Variants in ACOXL observed in about 807,000 individuals in gnomAD.
The protein encoded by ACOXL is acyl-coenzyme A oxidase-like protein.
In ACOXL, 70 loss-of-function variants were observed where a neutral mutation model predicts 71.9. That is an observed-to-expected ratio of 0.97 (90% CI 0.80 to 1.19). The LOEUF is 1.19. ACOXL is among the 50% of genes most tolerant of loss of function. ACOXL has a pLI of 0.00. For synonymous variants in ACOXL, 253 were observed against 281.6 expected (o/e 0.90, Z 1.02); for missense variants, 703 against 736.3 (o/e 0.95, Z 0.52).
At chr2:110,939,443 C>T (rs148887519) in intron 12 of ACOXL, among the ~76,000 whole-genome samples, 2 of 152,274 alleles carry the variant, frequency 1.3e-5, no homozygotes, top group African/African-American at 4.8e-5. Flanking sequence ...TTACCTAAGA[C>T]TTGATATGGA....
chr2:111,101,329 A>C (rs1048983195), intron 17 of ACOXL: 1 of 152,196 alleles, frequency 6.6e-6, no homozygotes, highest in African/African-American at 2.4e-5. Flanking sequence ...AACTTCAAGA[A>C]AAACAGATAG....
At position 111,118,176 on chromosome 2, in the gene ACOXL, G is replaced by C. The variant is rs1361289438; in HGVS notation, c.*360G>C. The C allele has an allele frequency of 2.7e-6, 1 of 365,038 alleles. No homozygotes were observed. The highest frequency in any genetic ancestry group is 2.2e-5 in the African/African-American group (1 of 46,120). 22.6% of individuals were successfully genotyped at this position (365,038 alleles called of 1,614,324 possible). A position where few individuals can be genotyped will look rare whatever the true frequency, so the allele number is the denominator to read the frequency against. ...CCAAAGGTCTCCTGCTGTTAGCGGT[G>C]ACTCACATTCCCAGTGATTTAGAAA... On this transcript the variant is annotated 3_prime_UTR_variant, in exon 18 of 18. Coordinates refer to ENST00000439055, the MANE Select transcript of ACOXL (RefSeq NM_001142807.4).
intron 14 of ACOXL, among the ~76,000 whole-genome samples, chr2:111,011,186 A>C (rs562106777): frequency 4.6e-5 from 7 of 152,348 alleles, no homozygotes; most frequent in African/African-American, 1.7e-4. Flanking sequence ...GAATTATGCT[A>C]TTATAAGATT....
intron 17 of ACOXL, among the ~76,000 whole-genome samples, chr2:111,110,467 T>G (rs1054937798): frequency 9.2e-5 from 14 of 152,220 alleles, no homozygotes; most frequent in Admixed American, 3.9e-4. Flanking sequence ...GCTTTTCAGT[T>G]TCCATGAACT....
intron 16 of ACOXL, among the ~76,000 whole-genome samples, chr2:111,058,774 A>G (rs1239310931): frequency 6.6e-6 from 1 of 152,298 alleles, no homozygotes; most frequent in African/African-American, 2.4e-5. Context: ...ACAAGAAGCA[A>G]GGAAGGGAAG....
chr2:110,909,977 T>C (rs74376646), intron 11 of ACOXL, among the ~76,000 whole-genome samples: 5,958 of 152,194 alleles, frequency 0.039, 215 homozygotes, highest in Non-Finnish European at 0.052. Flanking sequence ...TGTTTCTGAA[T>C]GGTTTTTTTG....
intron 12 of ACOXL, among the ~76,000 whole-genome samples, chr2:110,971,623 T>C (rs552857334): frequency 4.1e-4 from 63 of 152,342 alleles, no homozygotes; most frequent in African/African-American, 1.5e-3. Context: ...TCCATTGTTA[T>C]ATATCTTAAA....
At chr2:110,857,168 A>C (rs912074471) in intron 10 of ACOXL, among the ~76,000 whole-genome samples, 1 of 152,128 alleles carries the variant, frequency 6.6e-6, no homozygotes, top group Non-Finnish European at 1.5e-5. Flanking sequence ...GCAACTCAAC[A>C]TGTCAGTTTT....
At chr2:110,886,896 C>T (rs1697365009) in intron 10 of ACOXL, 1 of 1,542,302 alleles carries the variant, frequency 6.5e-7, no homozygotes, top group Non-Finnish European at 8.7e-7. Context: ...CTTACGCTTG[C>T]TCGTGAAATC....
chr2:110,806,574 G>A (rs1686668547), intron 9 of ACOXL, among the ~76,000 whole-genome samples: 2 of 151,958 alleles, frequency 1.3e-5, no homozygotes, highest in South Asian at 4.1e-4. Flanking sequence ...AAAGCCAGAC[G>A]AGCCTAGGAT....
chr2:110,857,326 C>G (rs1693379626), intron 10 of ACOXL, among the ~76,000 whole-genome samples: 1 of 152,186 alleles, frequency 6.6e-6, no homozygotes. Flanking sequence ...GGAAACCCTT[C>G]AAGAGACTTT....
At chr2:111,028,880 G>A (rs2065136430) in intron 14 of ACOXL, among the ~76,000 whole-genome samples, 1 of 152,168 alleles carries the variant, frequency 6.6e-6, no homozygotes, top group Non-Finnish European at 1.5e-5. Context: ...AGCATGCTTG[G>A]GAGGGGCAGG....
At chr2:110,764,915 A>T (rs943495057) in intron 1 of ACOXL, among the ~76,000 whole-genome samples, 13 of 152,098 alleles carry the variant, frequency 8.5e-5, no homozygotes, top group African/African-American at 3.1e-4. Flanking sequence ...TTCTCCTATC[A>T]TTTCCTGTCT....
intron 3 of ACOXL, among the ~76,000 whole-genome samples, chr2:110,791,890 G>T (rs149262516): frequency 1.3e-5 from 2 of 152,170 alleles, no homozygotes; most frequent in East Asian, 3.8e-4. Flanking sequence ...TGTAATTCAG[G>T]AGTCTAGGAT....
At chr2:111,076,516 T>C (rs2067606485) in intron 16 of ACOXL, among the ~76,000 whole-genome samples, 1 of 152,232 alleles carries the variant, frequency 6.6e-6, no homozygotes, top group African/African-American at 2.4e-5. Flanking sequence ...CTTAGGTTTT[T>C]TTAAAACATT....
intron 16 of ACOXL, among the ~76,000 whole-genome samples, chr2:111,057,088 G>A (rs1307713807): frequency 6.6e-6 from 1 of 152,186 alleles, no homozygotes; most frequent in Non-Finnish European, 1.5e-5. Flanking sequence ...ACTCAGTTGG[G>A]CACTCAACTC....
At chr2:110,916,697 T>C (rs766311230) in intron 11 of ACOXL, among the ~76,000 whole-genome samples, 2 of 152,022 alleles carry the variant, frequency 1.3e-5, no homozygotes, top group African/African-American at 2.4e-5. Flanking sequence ...AAGAATCAAA[T>C]AGACACAGTA....
At chr2:110,831,236 C>T (rs759889658) in intron 9 of ACOXL, among the ~76,000 whole-genome samples, 24 of 151,740 alleles carry the variant, frequency 1.6e-4, no homozygotes, top group East Asian at 3.9e-4. Flanking sequence ...ATAGAAAGCC[C>T]GAGGAACCTA....
intron 16 of ACOXL, among the ~76,000 whole-genome samples, chr2:111,049,669 C>G (rs2149830472): frequency 6.6e-6 from 1 of 152,296 alleles, no homozygotes; most frequent in African/African-American, 2.4e-5. Context: ...CGTTCCCAGT[C>G]TGCTGCTTCC....
Sources: gnomAD v4.1 joint callset for allele counts (sites outside exome capture counted in the v4.1 genomes callset) on GRCh38, gnomAD v4.1.1 for gene constraint, MANE v1.5 for transcripts, NCBI Gene and HGNC (gene_info 2026-07-23, HGNC 2026-07-21) for gene names.